The following RABGAP1L variants were observed in gnomAD, a reference collection of about 807,000 sequenced individuals.
The protein encoded by RABGAP1L is rab GTPase-activating protein 1-like.
RABGAP1L carries 63 observed loss-of-function variants against 137.7 expected under a neutral mutation model. The ratio of observed to expected loss-of-function variants is 0.46; its 90% CI spans 0.37 to 0.56. The LOEUF (loss-of-function observed/expected upper bound fraction) is 0.56. Among genes scored for constraint, RABGAP1L ranks in the 20% least tolerant of loss-of-function variants. The pLI is 0.00. For synonymous variants in RABGAP1L, 431 were observed against 433.7 expected, an observed-to-expected ratio of 0.99 and a Z score of 0.08; for missense variants, 1,095 against 1,244.0, an observed-to-expected ratio of 0.88 and a Z score of 1.80.
At chr1:174,459,377 G>A (rs1460581636) in intron 13 of RABGAP1L, among the ~76,000 whole-genome samples, 1 of 151,986 alleles carries the variant, frequency 6.6e-6, no homozygotes, top group African/African-American at 2.4e-5. Flanking sequence ...TACAGTTCAC[G>A]GAGTCTGTTA....
intron 19 of RABGAP1L, among the ~76,000 whole-genome samples, chr1:174,861,127 C>T (rs1650194370): frequency 6.6e-6 from 1 of 152,164 alleles, no homozygotes; most frequent in African/African-American, 2.4e-5. Flanking sequence ...AACCACCATT[C>T]TACTCTCTGC....
At chr1:174,162,777 G>GTTTTTTTTTT (rs67811794) in intron 1 of RABGAP1L, among the ~76,000 whole-genome samples, 29 of 51,546 alleles carry the variant, frequency 5.6e-4, no homozygotes, top group East Asian at 1.1e-3. Flanking sequence ...TTCTCTTTCT[G>GTTTTTTTTTT]TTTTTTTTTT....
At chr1:174,831,537 GTGTTTTGCTATAGA>G (rs1692116338) in intron 19 of RABGAP1L, among the ~76,000 whole-genome samples, 1 of 148,178 alleles carries the variant, frequency 6.7e-6, no homozygotes, top group South Asian at 2.2e-4. Flanking sequence ...TAACTATTCA[GTGTTTTGCTATAGA>G]CAGACTCTTT....
intron 10 of RABGAP1L, among the ~76,000 whole-genome samples, chr1:174,289,153 T>C (rs1178917051): frequency 6.6e-6 from 1 of 152,168 alleles, no homozygotes; most frequent in African/African-American, 2.4e-5. Context: ...TGATCCCACC[T>C]TAGCCTCCCA....
chr1:174,618,752 C>T (rs1257197787), intron 13 of RABGAP1L, among the ~76,000 whole-genome samples: 2 of 152,110 alleles, frequency 1.3e-5, no homozygotes, highest in African/African-American at 2.4e-5. Context: ...CCTCCAAAAA[C>T]GCAGCTCCTC....
intron 14 of RABGAP1L, among the ~76,000 whole-genome samples, chr1:174,645,282 G>A (rs1674870864): frequency 6.6e-6 from 1 of 151,824 alleles, no homozygotes; most frequent in Non-Finnish European, 1.5e-5. Flanking sequence ...TATGTGTGCA[G>A]AGCATGCAGG....
At chr1:174,495,836 A>T (rs146450345) in intron 13 of RABGAP1L, among the ~76,000 whole-genome samples, 16 of 152,316 alleles carry the variant, frequency 1.1e-4, no homozygotes, top group African/African-American at 3.4e-4. Flanking sequence ...TTGCACACAT[A>T]TGAGTTTATC....
chr1:174,213,734 T>A (rs1669077487), intron 1 of RABGAP1L, among the ~76,000 whole-genome samples: 1 of 152,212 alleles, frequency 6.6e-6, no homozygotes, highest in Non-Finnish European at 1.5e-5. Context: ...AACCATATGA[T>A]GATTTCAGAT....
chr1:174,466,954 A>C (rs980806734), intron 13 of RABGAP1L, among the ~76,000 whole-genome samples: 1 of 152,200 alleles, frequency 6.6e-6, no homozygotes, highest in Non-Finnish European at 1.5e-5. Flanking sequence ...GGATATGTGA[A>C]ATAATGATAT....
intron 13 of RABGAP1L, among the ~76,000 whole-genome samples, chr1:174,624,380 A>G (rs1259229930): frequency 2.0e-5 from 3 of 152,232 alleles, no homozygotes; most frequent in East Asian, 1.9e-4. Context: ...ATGTATACCT[A>G]TATCTTGTCT....
chr1:174,555,939 G>A (rs1295574362), intron 13 of RABGAP1L, among the ~76,000 whole-genome samples: 3 of 151,426 alleles, frequency 2.0e-5, no homozygotes, highest in South Asian at 4.2e-4. Context: ...GATATTGTAG[G>A]ACTATGTTTG....
rs552994219 is a variant in RABGAP1L at position 174,383,457 on chromosome 1, G to T, written c.1560-10538G>T. 2.0e-5 allele frequency among the ~76,000 whole-genome samples: 3 copies of T among 152,222 alleles called. No individual in the cohort carries two copies. The East Asian group carries it at 5.8e-4, about 29-fold the overall frequency. On this transcript the variant is annotated intron_variant, in intron 12 of 25. Coordinates refer to ENST00000681986, the MANE Select transcript of RABGAP1L (RefSeq NM_001366446.1). ...AATCAGCGAGATTCCGTTGGCGTAG[G>T]ACCCTCTGAGCCAGGTGTGGGATAT...
At chr1:174,673,791 G>A (rs1280568189) in intron 14 of RABGAP1L, among the ~76,000 whole-genome samples, 1 of 152,162 alleles carries the variant, frequency 6.6e-6, no homozygotes, top group African/African-American at 2.4e-5. Flanking sequence ...TGGGGTTCTA[G>A]AGTTGAGCAT....
At chr1:174,646,880 A>G (rs1245116114) in intron 14 of RABGAP1L, among the ~76,000 whole-genome samples, 1 of 152,022 alleles carries the variant, frequency 6.6e-6, no homozygotes, top group Non-Finnish European at 1.5e-5. Context: ...GTCCTCTCTT[A>G]TTTCCTTGAG....
At chr1:174,896,817 G>C (rs1265890121) in intron 19 of RABGAP1L, 3 of 152,172 alleles carry the variant, frequency 2.0e-5, no homozygotes, top group Non-Finnish European at 4.4e-5. Context: ...TTTGGTACCA[G>C]TACCGTGCTG....
At chr1:174,544,702 T>A (rs1455687972) in intron 13 of RABGAP1L, 1 of 152,264 alleles carries the variant, frequency 6.6e-6, no homozygotes, top group Admixed American at 6.5e-5. Flanking sequence ...AATTTTTAGC[T>A]TTTCTGCTCT....
At chr1:174,915,388 T>TAATG (rs1660684353) in intron 19 of RABGAP1L, among the ~76,000 whole-genome samples, 1 of 152,196 alleles carries the variant, frequency 6.6e-6, no homozygotes, top group Non-Finnish European at 1.5e-5. Context: ...TTATATTTTC[T>TAATG]AATGGTGTTG....
At chr1:174,207,385 G>A (rs1273193755) in intron 1 of RABGAP1L, among the ~76,000 whole-genome samples, 1 of 152,114 alleles carries the variant, frequency 6.6e-6, no homozygotes, top group Non-Finnish European at 1.5e-5. Context: ...TGAAATAATA[G>A]CAGATTGCCA....
chr1:174,838,777 C>G (rs913512401), intron 19 of RABGAP1L, among the ~76,000 whole-genome samples: 14 of 151,448 alleles, frequency 9.2e-5, no homozygotes, highest in Non-Finnish European at 1.6e-4. Flanking sequence ...ATTAGCCGGG[C>G]TTGCTGGCGG....
Sources: gnomAD v4.1 joint callset for allele counts (sites outside exome capture counted in the v4.1 genomes callset) on GRCh38, gnomAD v4.1.1 for gene constraint, MANE v1.5 for transcripts, NCBI Gene and HGNC (gene_info 2026-07-23, HGNC 2026-07-21) for gene names.